Variants in CEP83 observed in about 807,000 individuals in gnomAD.
CEP83 encodes the protein centrosomal protein of 83 kDa.
CEP83 carries 70 observed loss-of-function variants against 101.9 expected under a neutral mutation model. The ratio of observed to expected loss-of-function variants is 0.69; its 90% CI spans 0.57 to 0.84. The LOEUF is 0.84. CEP83 is among the 40% of genes least tolerant of loss of function. CEP83 has a pLI of 0.00. For synonymous variants in CEP83, 264 were observed against 267.9 expected, an observed-to-expected ratio of 0.99 and a Z score of 0.14; for missense variants, 715 against 787.2, an observed-to-expected ratio of 0.91 and a Z score of 1.10.
intron 11 of CEP83, among the ~76,000 whole-genome samples, chr12:94,358,567 G>A (rs937702766): frequency 1.3e-5 from 2 of 152,114 alleles, no homozygotes; most frequent in Non-Finnish European, 2.9e-5. Flanking sequence ...ATTAGAAAAT[G>A]GGCACATAGC....
the CEP83 span, among the ~76,000 whole-genome samples, chr12:94,295,329 G>T: frequency 3.3e-5 from 5 of 152,200 alleles, no homozygotes; most frequent in Non-Finnish European, 7.3e-5. Flanking sequence ...CTCCTTTGGG[G>T]AAACCCACCT....
chr12:94,431,315 CG>C (rs1240632520), intron 2 of CEP83, among the ~76,000 whole-genome samples: 9 of 152,068 alleles, frequency 5.9e-5, no homozygotes, highest in Non-Finnish European at 1.3e-4. Flanking sequence ...AAGATACAAA[CG>C]TAAGACCCAA....
intron 11 of CEP83, among the ~76,000 whole-genome samples, chr12:94,340,719 G>C (rs888982672): frequency 1.3e-5 from 2 of 152,234 alleles, no homozygotes; most frequent in Non-Finnish European, 1.5e-5. Context: ...TCACAGGCGT[G>C]AGCCACCACG....
At chr12:94,443,584 G>A (rs771267512) in intron 1 of CEP83, among the ~76,000 whole-genome samples, 3 of 151,916 alleles carry the variant, frequency 2.0e-5, no homozygotes, top group Non-Finnish European at 2.9e-5. Context: ...CCTCCGTCCC[G>A]CGGGTTCAAG....
chr12:94,347,074 TACAC>T (rs527486795), intron 11 of CEP83, among the ~76,000 whole-genome samples: 1 of 129,778 alleles, frequency 7.7e-6, no homozygotes, highest in Non-Finnish European at 1.7e-5. Flanking sequence ...TATATACACA[TACAC>T]ACACACACAC....
rs185032313 is a variant in CEP83 at position 94,399,779 on chromosome 12, A to T, written c.549+1071T>A. 2.9e-3 allele frequency among the ~76,000 whole-genome samples: 444 copies of T among 152,328 alleles called. 1 individual carries two copies. The highest frequency in any genetic ancestry group is 0.016 in the Admixed American group (246 of 15,298). ...TAGCCCCATCTCACTGACTATTGTA[A>T]TAGAAGTGAGATAATATGTGAATAA... On this transcript the variant is annotated intron_variant, in intron 6 of 16. Coordinates refer to ENST00000397809, the MANE Select transcript of CEP83 (RefSeq NM_016122.3).
chr12:94,429,518 A>C (rs2065459212), intron 2 of CEP83, among the ~76,000 whole-genome samples: 1 of 152,160 alleles, frequency 6.6e-6, no homozygotes, highest in Admixed American at 6.5e-5. Flanking sequence ...GCTTAACAGC[A>C]CCTGTCTCTT....
the CEP83 span, chr12:94,282,051 A>T: frequency 2.4e-6 from 1 of 422,454 alleles, no homozygotes; most frequent in South Asian, 2.5e-5. Context: ...AGAATGCATT[A>T]TTTTGTCTTC....
chr12:94,371,928 G>T (rs1462354803), intron 8 of CEP83, among the ~76,000 whole-genome samples: 3 of 152,122 alleles, frequency 2.0e-5, no homozygotes, highest in Non-Finnish European at 4.4e-5. Context: ...ATTTTTAAAT[G>T]ACCGTACATA....
intron 6 of CEP83, among the ~76,000 whole-genome samples, chr12:94,387,214 C>A (rs980384005): frequency 6.6e-6 from 1 of 152,118 alleles, no homozygotes; most frequent in African/African-American, 2.4e-5. Flanking sequence ...AGGCCATGGA[C>A]CATTACCAGT....
chr12:94,438,373 C>G (rs2066154073), intron 1 of CEP83, among the ~76,000 whole-genome samples: 1 of 152,030 alleles, frequency 6.6e-6, no homozygotes, highest in Admixed American at 6.6e-5. Flanking sequence ...CAAATGGAAA[C>G]CAAACGTGAG....
chr12:94,396,692 C>T (rs1287467865), intron 6 of CEP83, among the ~76,000 whole-genome samples: 9 of 152,094 alleles, frequency 5.9e-5, no homozygotes, highest in Admixed American at 5.9e-4. Context: ...CCTGGAGTCC[C>T]TCTCAGGAAA....
chr12:94,457,951 C>T (rs2067808542), intron 1 of CEP83, among the ~76,000 whole-genome samples: 1 of 152,118 alleles, frequency 6.6e-6, no homozygotes, highest in Non-Finnish European at 1.5e-5. Context: ...AATCCCAGCA[C>T]TTTGGGAGGT....
chr12:94,396,882 G>A (rs2062933498), intron 6 of CEP83, among the ~76,000 whole-genome samples: 1 of 152,164 alleles, frequency 6.6e-6, no homozygotes, highest in Non-Finnish European at 1.5e-5. Flanking sequence ...AAAATTGGAA[G>A]ATGACAAGAT....
intron 2 of CEP83, among the ~76,000 whole-genome samples, chr12:94,416,212 AACAGATAT>A (rs2064251457): frequency 6.6e-6 from 1 of 152,192 alleles, no homozygotes; most frequent in Admixed American, 6.5e-5. Context: ...AGGAAGATGG[AACAGATAT>A]ACATTTTCCT....
chr12:94,371,731 G>C lies in CEP83; in HGVS notation c.934-1695C>G, dbSNP rs547575967. 2.0e-5 allele frequency among the ~76,000 whole-genome samples: 3 copies of C among 152,232 alleles called. No homozygotes were observed. In the East Asian group the frequency reaches 5.8e-4, roughly 29 times the overall value. On this transcript the variant is annotated intron_variant, in intron 8 of 16. Transcript: ENST00000397809. The stretch of plus-strand genomic sequence containing the variant: ...ACACAAATCAAAAAAAGGTCCTAGA[G>C]CCAAAGAGGGCAAGGATAAGAAATA...
chr12:94,412,977 C>T (rs1339442961), intron 2 of CEP83, among the ~76,000 whole-genome samples: 1 of 152,008 alleles, frequency 6.6e-6, no homozygotes, highest in Admixed American at 6.6e-5. Flanking sequence ...CTCAGCCTCC[C>T]GAGTAGCTGG....
chr12:94,312,255 G>T (rs1365519726), intron 15 of CEP83, among the ~76,000 whole-genome samples: 1 of 152,196 alleles, frequency 6.6e-6, no homozygotes, highest in Non-Finnish European at 1.5e-5. Flanking sequence ...TTGTTCACCT[G>T]TTGGTAATAA....
downstream of CEP83, chr12:94,304,317 A>G: frequency 2.9e-6 from 1 of 339,554 alleles, no homozygotes; most frequent in Admixed American, 4.4e-5. Flanking sequence ...ACTCAAGTTA[A>G]CTTTGATGAG....
Sources: gnomAD v4.1 joint callset for allele counts (sites outside exome capture counted in the v4.1 genomes callset) on GRCh38, gnomAD v4.1.1 for gene constraint, MANE v1.5 for transcripts, NCBI Gene and HGNC (gene_info 2026-07-23, HGNC 2026-07-21) for gene names.